TULP3: variants seen among roughly 807,000 people sequenced by gnomAD.
TULP3 encodes tubby-related protein 3.
Under a neutral mutation model 50.7 loss-of-function variants are expected in TULP3, and 38 were observed. The observed-to-expected ratio is 0.75, with a 90% CI of 0.58 to 0.98. The LOEUF (loss-of-function observed/expected upper bound fraction) is 0.98. Among genes scored for constraint, TULP3 ranks in the 50% least tolerant of loss-of-function variants. The probability of loss-of-function intolerance (pLI) is 0.00; values close to 1 mark genes in which losing one functional copy is unlikely to be tolerated. For synonymous variants in TULP3, 183 were observed against 196.6 expected, an observed-to-expected ratio of 0.93 and a Z score of 0.58; for missense variants, 550 against 568.0, an observed-to-expected ratio of 0.97 and a Z score of 0.32.
At chr12:2,937,812 A>AT (rs1160853146) in intron 9 of TULP3, 83 bp downstream of exon 9, 23 of 1,213,840 alleles carry the variant, frequency 1.9e-5, no homozygotes, top group South Asian at 8.8e-5. Flanking sequence ...AAAAAAAAAA[A>AT]AAGATTGAGC....
intron 4 of TULP3, among the ~76,000 whole-genome samples, chr12:2,924,192 T>C (rs1256956240): frequency 6.6e-6 from 1 of 152,104 alleles, no homozygotes; most frequent in Non-Finnish European, 1.5e-5. Flanking sequence ...CTTGGACACT[T>C]TCCCAGAGAA....
At chr12:2,900,949 G>A (rs1452391810) in intron 1 of TULP3, among the ~76,000 whole-genome samples, 1 of 148,646 alleles carries the variant, frequency 6.7e-6, no homozygotes, top group Admixed American at 6.9e-5. Flanking sequence ...CTGGGCTCAC[G>A]CGATCCTCTT....
At position 2,940,273 on chromosome 12, in the gene TULP3, A is replaced by G; in HGVS notation, c.*829A>G. The G allele has an allele frequency of 7.1e-7, 1 of 1,407,942 alleles. No individual in the cohort carries two copies. The highest frequency in any genetic ancestry group is 9.4e-7 in the Non-Finnish European group (1 of 1,067,048). The allele number at this position is 1,407,942 out of a possible 1,614,324, so 87.2% of individuals were successfully genotyped here. On this transcript the variant is annotated 3_prime_UTR_variant, in exon 11 of 11. Transcript: ENST00000448120. ...ACACCTGTAGGCATCCTGTGCAAAC[A>G]CTTTGTCATTATCAAGAGAGATGGC...
chr12:2,912,651 C>A (rs2098186302), intron 2 of TULP3, among the ~76,000 whole-genome samples: 1 of 152,188 alleles, frequency 6.6e-6, no homozygotes. Flanking sequence ...ATTAGCCAGT[C>A]TCGTAAGTGA....
At chr12:2,897,757 G>A (rs895308164) in intron 1 of TULP3, among the ~76,000 whole-genome samples, 4 of 135,966 alleles carry the variant, frequency 2.9e-5, no homozygotes, top group South Asian at 2.3e-4. Context: ...TGCCTGGCCC[G>A]AGACCCTGTC....
chr12:2,926,707 C>G (rs1028318542), intron 4 of TULP3, among the ~76,000 whole-genome samples: 16 of 152,002 alleles, frequency 1.1e-4, no homozygotes, highest in African/African-American at 3.9e-4. Context: ...TCGAGACCAG[C>G]CTGGCCAACG....
chr12:2,924,995 G>A (rs2098193898), intron 4 of TULP3, among the ~76,000 whole-genome samples: 1 of 152,164 alleles, frequency 6.6e-6, no homozygotes, highest in Non-Finnish European at 1.5e-5. Context: ...GGCTAACACG[G>A]TGAAACCCTG....
chr12:2,907,838 T>TG (rs1322107029), intron 1 of TULP3, among the ~76,000 whole-genome samples: 1 of 151,986 alleles, frequency 6.6e-6, no homozygotes, highest in Non-Finnish European at 1.5e-5. Flanking sequence ...AGGTGAAACA[T>TG]GGGGGGCACA....
chr12:2,940,958 A>C lies in TULP3; in HGVS notation c.*1514A>C. 5.9e-6 allele frequency: 3 copies of C among 507,418 alleles called. No homozygotes were observed. The highest frequency in any genetic ancestry group is 1.0e-5 in the Non-Finnish European group (3 of 286,268). 31.4% of individuals were successfully genotyped at this position (507,418 alleles called of 1,614,324 possible). On this transcript the variant is annotated 3_prime_UTR_variant, in exon 11 of 11. Coordinates refer to ENST00000448120, the MANE Select transcript of TULP3 (RefSeq NM_003324.5). ...GCCACAGAAGCTATTAATACACGACAGCATGTGGGGAAGGACTTATGGTGG... is the reference window on the plus strand; with the variant it reads ...GCCACAGAAGCTATTAATACACGACCGCATGTGGGGAAGGACTTATGGTGG...
At chr12:2,892,825 C>T (rs1196019053) in intron 1 of TULP3, among the ~76,000 whole-genome samples, 1 of 151,100 alleles carries the variant, frequency 6.6e-6, no homozygotes, top group Non-Finnish European at 1.5e-5. Context: ...CTTGTTCTTC[C>T]GAAAGAAACT....
intron 2 of TULP3, among the ~76,000 whole-genome samples, chr12:2,913,311 G>A (rs749504769): frequency 6.0e-5 from 9 of 149,018 alleles, no homozygotes; most frequent in Non-Finnish European, 1.2e-4. Flanking sequence ...GCAGTGATAC[G>A]GTCATAGCTC....
rs12311046 is a variant in TULP3 at position 2,892,456 on chromosome 12, T to C, written c.41+1468T>C. 8.8e-5 allele frequency among the ~76,000 whole-genome samples: 13 copies of C among 147,742 alleles called. 1 individual carries two copies. Among genetic ancestry groups the C allele is most frequent in the African/African-American group, 3.3e-4 (13 of 39,996 alleles). On this transcript the variant is annotated intron_variant, in intron 1 of 10. Coordinates refer to ENST00000448120, the MANE Select transcript of TULP3 (RefSeq NM_003324.5). ...GATGTTTGATATGACTCAGATTTTT[T>C]GGGGAAAAAAAAACGGGATGCGGGA...
intron 8 of TULP3, among the ~76,000 whole-genome samples, chr12:2,935,543 A>T (rs992376646): frequency 1.1e-4 from 17 of 152,228 alleles, no homozygotes; most frequent in African/African-American, 4.1e-4. Context: ...GACCCATCTC[A>T]GCTGGTTTTT....
rs1448800487 is a variant in TULP3 at position 2,940,074 on chromosome 12, T to C, written c.*630T>C. On this transcript the variant is annotated 3_prime_UTR_variant, in exon 11 of 11. Coordinates refer to ENST00000448120, the MANE Select transcript of TULP3 (RefSeq NM_003324.5). ...AGAGTGGCTGTGATCACATTTGTGATCAATTATGTGAGAATTTTATATAAT... is the reference window on the plus strand; with the variant it reads ...AGAGTGGCTGTGATCACATTTGTGACCAATTATGTGAGAATTTTATATAAT... The C allele has an allele frequency of 1.6e-6, 2 of 1,289,336 alleles. No individual in the cohort carries two copies. Among genetic ancestry groups the C allele is most frequent in the Admixed American group, 2.3e-5 (1 of 43,522 alleles). The allele number at this position is 1,289,336 out of a possible 1,614,324, so 79.9% of individuals were successfully genotyped here.
rs920288943 is a variant in TULP3, at chr12:2,909,595, C to T, written c.93+15C>T. On this transcript the variant is annotated intron_variant, in intron 2 of 10. Transcript: ENST00000448120. Reference sequence around the variant, plus strand: ...TGGATTATCAGGTGAGCAGAGTCTCCTCTTTTGAAATAGGTGGCCAACTAT... The same window carrying T: ...TGGATTATCAGGTGAGCAGAGTCTCTTCTTTTGAAATAGGTGGCCAACTAT... 1.8e-5 allele frequency: 29 copies of T among 1,581,518 alleles called. No homozygotes were observed. Among genetic ancestry groups the T allele is most frequent in the Non-Finnish European group, 2.5e-5 (29 of 1,170,664 alleles).
chr12:2,898,698 G>T (rs1303333057), intron 1 of TULP3, among the ~76,000 whole-genome samples: 1 of 151,978 alleles, frequency 6.6e-6, no homozygotes, highest in Non-Finnish European at 1.5e-5. Context: ...TTTTGGGCTG[G>T]GGGGACAGGT....
At chr12:2,896,102 A>C (rs1603503745) in intron 1 of TULP3, among the ~76,000 whole-genome samples, 1 of 151,960 alleles carries the variant, frequency 6.6e-6, no homozygotes, top group Non-Finnish European at 1.5e-5. Flanking sequence ...CACCATGCCC[A>C]GCTAATTTTG....
chr12:2,940,321 TAAAAAAA>T lies in TULP3; in HGVS notation c.*888_*894del, dbSNP rs371211844. On this transcript the variant is annotated 3_prime_UTR_variant, in exon 11 of 11. Transcript: ENST00000448120. ...GGCAGTATTGACCATTTAGTTTAGT[TAAAAAAA>T]AAAAAAAAAAGGTGGCAGGAGAGGC... 1.9e-5 allele frequency: 25 copies of T among 1,323,882 alleles called. No homozygotes were observed. The highest frequency in any genetic ancestry group is 2.4e-5 in the Non-Finnish European group (25 of 1,031,618). 82.0% of individuals were successfully genotyped at this position (1,323,882 alleles called of 1,614,324 possible). A position where few individuals can be genotyped will look rare whatever the true frequency, so the allele number is the denominator to read the frequency against.
At chr12:2,906,747 C>T (rs1391538817) in intron 1 of TULP3, among the ~76,000 whole-genome samples, 1 of 150,398 alleles carries the variant, frequency 6.6e-6, no homozygotes, top group Admixed American at 6.6e-5. Flanking sequence ...GAAACCCCGT[C>T]TCTACTAAAA....
Sources: gnomAD v4.1 joint callset for allele counts (sites outside exome capture counted in the v4.1 genomes callset) on GRCh38, gnomAD v4.1.1 for gene constraint, MANE v1.5 for transcripts, NCBI Gene and HGNC (gene_info 2026-07-23, HGNC 2026-07-21) for gene names.